The following RARB variants were observed in gnomAD, a reference collection of about 807,000 sequenced individuals.
The protein encoded by RARB is retinoic acid receptor beta.
Under a neutral mutation model 51.9 loss-of-function variants are expected in RARB, and 17 were observed. The ratio of observed to expected loss-of-function variants is 0.33; its 90% CI spans 0.22 to 0.49. The LOEUF is 0.49. Ranked by LOEUF, RARB falls within the 20% of genes least tolerant of loss-of-function variation. The pLI is 0.99. For missense variants in RARB, 369 were observed against 550.8 expected, an observed-to-expected ratio of 0.67 and a Z score of 3.30; for synonymous variants, 215 against 195.4, an observed-to-expected ratio of 1.10 and a Z score of -0.84.
At chr3:25,478,564 G>A (rs550549378) in intron 2 of RARB, among the ~76,000 whole-genome samples, 4 of 152,280 alleles carry the variant, frequency 2.6e-5, no homozygotes, top group Admixed American at 6.5e-5. Context: ...TCAGTTAAAT[G>A]GCGGATGGAC....
At chr3:25,537,768 T>G (rs1699202104) in intron 3 of RARB, among the ~76,000 whole-genome samples, 1 of 152,168 alleles carries the variant, frequency 6.6e-6, no homozygotes, top group African/African-American at 2.4e-5. Context: ...GACAGAAGTT[T>G]TAACTATAAT....
At chr3:25,582,112 G>C (rs1701200721) in intron 5 of RARB, among the ~76,000 whole-genome samples, 1 of 152,134 alleles carries the variant, frequency 6.6e-6, no homozygotes, top group African/African-American at 2.4e-5. Context: ...AGAGATGAGA[G>C]AGTTGTGGGC....
At chr3:25,078,455 T>C (rs1698919560) in intron 3 of RARB, among the ~76,000 whole-genome samples, 1 of 152,182 alleles carries the variant, frequency 6.6e-6, no homozygotes, top group African/African-American at 2.4e-5. Flanking sequence ...TTCCTTTTAT[T>C]GATGGATTTA....
intron 5 of RARB, among the ~76,000 whole-genome samples, chr3:25,303,423 A>G (rs2125428842): frequency 6.6e-6 from 1 of 152,366 alleles, no homozygotes; most frequent in African/African-American, 2.4e-5. Flanking sequence ...TGACAACAAT[A>G]GCAGAGCTGA....
intron 5 of RARB, among the ~76,000 whole-genome samples, chr3:25,363,227 G>C (rs750086359): frequency 6.6e-6 from 1 of 152,122 alleles, no homozygotes; most frequent in Non-Finnish European, 1.5e-5. Flanking sequence ...TAAGCGAAGT[G>C]TTATAAGAGG....
intron 5 of RARB, among the ~76,000 whole-genome samples, chr3:25,303,063 C>G (rs1394376371): frequency 6.6e-6 from 1 of 152,208 alleles, no homozygotes; most frequent in African/African-American, 2.4e-5. Flanking sequence ...TGATGGCCAT[C>G]AGAGCCTGTA....
chr3:25,263,118 C>T (rs1008292438), intron 5 of RARB, among the ~76,000 whole-genome samples: 5 of 152,120 alleles, frequency 3.3e-5, no homozygotes, highest in Admixed American at 2.6e-4. Context: ...TTAATGATTC[C>T]ATTTCTATGA....
chr3:25,256,503 G>T (rs1702868075), intron 5 of RARB, among the ~76,000 whole-genome samples: 1 of 152,132 alleles, frequency 6.6e-6, no homozygotes, highest in South Asian at 2.1e-4. Flanking sequence ...TGAAGAGAGA[G>T]ATCCTTTAAA....
intron 5 of RARB, among the ~76,000 whole-genome samples, chr3:25,409,814 C>T (rs569769760): frequency 8.5e-5 from 13 of 152,330 alleles, no homozygotes; most frequent in East Asian, 3.9e-4. Flanking sequence ...AGATTCCAAA[C>T]GTACTTTAAT....
intron 2 of RARB, among the ~76,000 whole-genome samples, chr3:24,898,478 G>C (rs1320451099): frequency 6.6e-6 from 1 of 151,846 alleles, no homozygotes; most frequent in African/African-American, 2.4e-5. Context: ...ATTATATCAA[G>C]ATAGAAATTT....
At chr3:25,097,625 C>T (rs1462633546) in intron 3 of RARB, among the ~76,000 whole-genome samples, 1 of 152,114 alleles carries the variant, frequency 6.6e-6, no homozygotes, top group African/African-American at 2.4e-5. Flanking sequence ...CATATCCCAG[C>T]CTAGTGAGAC....
intron 5 of RARB, among the ~76,000 whole-genome samples, chr3:25,297,541 T>C (rs1204230583): frequency 1.3e-5 from 2 of 152,090 alleles, no homozygotes; most frequent in African/African-American, 4.8e-5. Flanking sequence ...ATGGTTTGTT[T>C]GTTTTCTTGT....
intron 4 of RARB, among the ~76,000 whole-genome samples, chr3:25,144,305 A>C (rs1700154787): frequency 6.6e-6 from 1 of 152,092 alleles, no homozygotes; most frequent in Non-Finnish European, 1.5e-5. Context: ...GCTTGAAGAA[A>C]ATGGAATTGT....
chr3:25,351,441 A>G (rs983878712), intron 5 of RARB, among the ~76,000 whole-genome samples: 9 of 152,194 alleles, frequency 5.9e-5, no homozygotes, highest in African/African-American at 1.7e-4. Flanking sequence ...CTTAATGAAT[A>G]TTATGTGCTT....
intron 2 of RARB, among the ~76,000 whole-genome samples, chr3:25,005,023 T>A (rs971661764): frequency 2.0e-5 from 3 of 152,136 alleles, no homozygotes; most frequent in African/African-American, 7.2e-5. Flanking sequence ...ATACCCTACA[T>A]CAAATTTATA....
At chr3:24,999,524 G>A (rs1466655864) in intron 2 of RARB, among the ~76,000 whole-genome samples, 1 of 152,132 alleles carries the variant, frequency 6.6e-6, no homozygotes, top group African/African-American at 2.4e-5. Flanking sequence ...TTTTGTACAT[G>A]TCTTCATAAA....
chr3:25,082,223 TTA>T (rs138023051), intron 3 of RARB, among the ~76,000 whole-genome samples: 7,108 of 152,186 alleles, frequency 0.047, 302 homozygotes, highest in African/African-American at 0.1. Flanking sequence ...TCCAGTCAGT[TTA>T]TTCCTTTTAA....
chr3:25,467,400 A>T (rs1217211706), intron 2 of RARB, among the ~76,000 whole-genome samples: 1 of 152,248 alleles, frequency 6.6e-6, no homozygotes, highest in African/African-American at 2.4e-5. Context: ...GGGCCTTGGC[A>T]GGATGACCAG....
chr3:25,388,124 TAACTC>T (rs1024634532), intron 5 of RARB, among the ~76,000 whole-genome samples: 4 of 152,180 alleles, frequency 2.6e-5, no homozygotes, highest in Non-Finnish European at 4.4e-5. Context: ...ATACTATAAT[TAACTC>T]AGACTATTTT....
Sources: gnomAD v4.1 joint callset for allele counts (sites outside exome capture counted in the v4.1 genomes callset) on GRCh38, gnomAD v4.1.1 for gene constraint, MANE v1.5 for transcripts, NCBI Gene and HGNC (gene_info 2026-07-23, HGNC 2026-07-21) for gene names.